The following ATRNL1 variants were observed in gnomAD, a reference collection of about 807,000 sequenced individuals.
The protein encoded by ATRNL1 is attractin-like protein 1.
ATRNL1 carries 95 observed loss-of-function variants against 182.7 expected under a neutral mutation model. The observed-to-expected ratio is 0.52, with a 90% confidence interval of 0.44 to 0.62. ATRNL1 has a LOEUF of 0.62. ATRNL1 is among the 20% of genes least tolerant of loss of function. The pLI is 0.00. For missense variants in ATRNL1, 1,471 were observed against 1,679.5 expected (o/e 0.88, Z 2.17); for synonymous variants, 576 against 568.3 (o/e 1.01, Z -0.19).
At chr10:115,482,180 A>G (rs1371004755) in intron 24 of ATRNL1, among the ~76,000 whole-genome samples, 3 of 151,132 alleles carry the variant, frequency 2.0e-5, no homozygotes, top group East Asian at 3.9e-4. Context: ...ATATTGTTAT[A>G]TAATGTTACT....
chr10:115,696,906 A>C (rs1343247944), intron 26 of ATRNL1, among the ~76,000 whole-genome samples: 1 of 147,020 alleles, frequency 6.8e-6, no homozygotes, highest in Non-Finnish European at 1.5e-5. Flanking sequence ...AGAGCGAGCG[A>C]GCTAGGGGGG....
At chr10:115,648,773 C>G (rs920030923) in intron 26 of ATRNL1, among the ~76,000 whole-genome samples, 3 of 152,128 alleles carry the variant, frequency 2.0e-5, no homozygotes, top group Admixed American at 6.6e-5. Context: ...GGTATTGTTT[C>G]ATTATGTGGC....
intron 1 of ATRNL1, among the ~76,000 whole-genome samples, chr10:115,109,989 T>A (rs1296448857): frequency 6.6e-6 from 1 of 152,192 alleles, no homozygotes; most frequent in Non-Finnish European, 1.5e-5. Flanking sequence ...AAATAATTTC[T>A]AGGGTATCTT....
At chr10:115,598,386 C>T (rs537216252) in intron 26 of ATRNL1, among the ~76,000 whole-genome samples, 1,866 of 51,720 alleles carry the variant, frequency 0.036, 34 homozygotes, top group African/African-American at 0.11. Context: ...TATTTTGAGA[C>T]GGAATCTCGT....
At chr10:115,524,998 T>G (rs1851135676) in intron 25 of ATRNL1, among the ~76,000 whole-genome samples, 1 of 152,200 alleles carries the variant, frequency 6.6e-6, no homozygotes. Flanking sequence ...GTTTATGGTG[T>G]AGGTATTTTC....
At chr10:115,728,850 T>C (rs1947698252) in intron 27 of ATRNL1, among the ~76,000 whole-genome samples, 1 of 152,154 alleles carries the variant, frequency 6.6e-6, no homozygotes, top group South Asian at 2.1e-4. Flanking sequence ...CAAAAAAGAA[T>C]GATTAAATGA....
intron 8 of ATRNL1, among the ~76,000 whole-genome samples, chr10:115,211,405 A>G (rs1849018827): frequency 6.6e-6 from 1 of 151,784 alleles, no homozygotes; most frequent in African/African-American, 2.4e-5. Flanking sequence ...GAAGTCCATT[A>G]TTATTAAAAT....
chr10:115,170,907 T>C, intron 7 of ATRNL1, 130 bp from the exon 8 acceptor site: 1 of 469,420 alleles, frequency 2.1e-6, no homozygotes, highest in Non-Finnish European at 3.4e-6. Flanking sequence ...TTTTTACAAA[T>C]GAGAACAATG....
At chr10:115,608,162 G>C (rs1369714677) in intron 26 of ATRNL1, among the ~76,000 whole-genome samples, 3 of 151,828 alleles carry the variant, frequency 2.0e-5, no homozygotes, top group Non-Finnish European at 4.4e-5. Flanking sequence ...TTAAGGACAT[G>C]GTAATTTGTA....
intron 19 of ATRNL1, among the ~76,000 whole-genome samples, chr10:115,366,903 G>T (rs1857075734): frequency 7.0e-6 from 1 of 142,568 alleles, no homozygotes; most frequent in Admixed American, 6.8e-5. Context: ...TAGTCTGATG[G>T]GCTTCCCTTT....
chr10:115,248,028 G>T (rs1407238804), intron 10 of ATRNL1, among the ~76,000 whole-genome samples: 1 of 152,120 alleles, frequency 6.6e-6, no homozygotes, highest in African/African-American at 2.4e-5. Context: ...GGAGGGTGGG[G>T]GAAGTGGTAG....
intron 27 of ATRNL1, among the ~76,000 whole-genome samples, chr10:115,822,503 GA>G (rs1950327008): frequency 6.6e-6 from 1 of 152,038 alleles, no homozygotes; most frequent in Non-Finnish European, 1.5e-5. Context: ...CTGGTTTTTT[GA>G]AAAGATTAAC....
At chr10:115,512,803 A>G (rs989804219) in intron 24 of ATRNL1, among the ~76,000 whole-genome samples, 1 of 151,958 alleles carries the variant, frequency 6.6e-6, no homozygotes, top group African/African-American at 2.4e-5. Context: ...ATTACTTTAC[A>G]TGAGTGTCTT....
intron 1 of ATRNL1, among the ~76,000 whole-genome samples, chr10:115,106,837 T>G (rs1844034288): frequency 6.6e-6 from 1 of 152,110 alleles, no homozygotes. Flanking sequence ...ATCAGCAGTG[T>G]GAAAATGGAC....
intron 25 of ATRNL1, among the ~76,000 whole-genome samples, chr10:115,543,358 G>C (rs938701922): frequency 2.0e-5 from 3 of 151,962 alleles, no homozygotes; most frequent in Non-Finnish European, 4.4e-5. Flanking sequence ...AGTTAGAAGT[G>C]TATTCTGTTA....
intron 26 of ATRNL1, among the ~76,000 whole-genome samples, chr10:115,685,405 G>A (rs1164852017): frequency 1.3e-5 from 2 of 151,494 alleles, no homozygotes; most frequent in African/African-American, 2.4e-5. Context: ...TGACTACCTC[G>A]TGGATTGTTA....
At chr10:115,633,601 CTTG>C (rs1351600818) in intron 26 of ATRNL1, among the ~76,000 whole-genome samples, 3 of 152,044 alleles carry the variant, frequency 2.0e-5, no homozygotes, top group African/African-American at 4.8e-5. Context: ...TGTTAATTAA[CTTG>C]TTGTTAATTG....
At chr10:115,228,331 A>AGGG in intron 9 of ATRNL1, among the ~76,000 whole-genome samples, 1 of 152,308 alleles carries the variant, frequency 6.6e-6, no homozygotes, top group East Asian at 1.9e-4. Context: ...TTGCTCAAAA[A>AGGG]TGATTCCTTT....
Position 115,704,971 on chromosome 10 carries a change from G to A in ATRNL1, c.3796-22277G>A, listed in dbSNP as rs555221141. The stretch of plus-strand genomic sequence containing the variant: ...TCACGTTTCATGTGGAAGCCTTCCC[G>A]GCCCCACTCTCCAGTCACTCTCATA... On this transcript the variant is annotated intron_variant, in intron 26 of 28. Transcript: ENST00000355044. Among the ~76,000 whole-genome samples, 14 of 151,098 alleles carry A rather than the reference G, an allele frequency of 9.3e-5. 1 individual carries two copies. In the South Asian group the frequency reaches 2.1e-3, roughly 23 times the overall value.
Sources: gnomAD v4.1 joint callset for allele counts (sites outside exome capture counted in the v4.1 genomes callset) on GRCh38, gnomAD v4.1.1 for gene constraint, MANE v1.5 for transcripts, NCBI Gene and HGNC (gene_info 2026-07-23, HGNC 2026-07-21) for gene names.